The following PTPRM variants were observed in gnomAD, a reference collection of about 807,000 sequenced individuals.
PTPRM encodes the protein protein tyrosine phosphatase receptor type M.
Under a neutral mutation model 186.7 loss-of-function variants are expected in PTPRM, and 47 were observed. The ratio of observed to expected loss-of-function variants is 0.25; its 90% CI spans 0.20 to 0.32. The LOEUF is 0.32. Ranked by LOEUF, PTPRM falls within the 10% of genes least tolerant of loss-of-function variation. PTPRM has a pLI of 1.00. For missense variants in PTPRM, 1,494 were observed against 1,865.0 expected, an observed-to-expected ratio of 0.80 and a Z score of 3.66; for synonymous variants, 668 against 674.9, an observed-to-expected ratio of 0.99 and a Z score of 0.16.
At chr18:7,803,358 G>A (rs566940098) in intron 2 of PTPRM, among the ~76,000 whole-genome samples, 58 of 152,188 alleles carry the variant, frequency 3.8e-4, no homozygotes, top group African/African-American at 1.2e-3. Context: ...TATCTTCAAA[G>A]CCAGGAGCTG....
intron 7 of PTPRM, among the ~76,000 whole-genome samples, chr18:8,066,311 A>G (rs2089070558): frequency 6.6e-6 from 1 of 152,198 alleles, no homozygotes; most frequent in African/African-American, 2.4e-5. Context: ...ACATGGTAGC[A>G]CATGGCATTT....
At chr18:8,010,970 G>A (rs1209267569) in intron 7 of PTPRM, among the ~76,000 whole-genome samples, 4 of 152,160 alleles carry the variant, frequency 2.6e-5, no homozygotes, top group Non-Finnish European at 4.4e-5. Context: ...TGAATGTGGT[G>A]TAAAACAAAA....
At chr18:7,956,333 G>A (rs1312387071) in intron 7 of PTPRM, among the ~76,000 whole-genome samples, 3 of 152,160 alleles carry the variant, frequency 2.0e-5, no homozygotes, top group Admixed American at 2.0e-4. Context: ...TATCTGGTAG[G>A]AGTAAGAGAA....
At chr18:7,787,303 A>G (rs1198328729) in intron 2 of PTPRM, among the ~76,000 whole-genome samples, 1 of 152,208 alleles carries the variant, frequency 6.6e-6, no homozygotes, top group Non-Finnish European at 1.5e-5. Flanking sequence ...AGTTCTGGAA[A>G]AAATGCTGGG....
chr18:7,772,786 T>C (rs1303733378), intron 1 of PTPRM, among the ~76,000 whole-genome samples: 1 of 152,138 alleles, frequency 6.6e-6, no homozygotes, highest in Non-Finnish European at 1.5e-5. Flanking sequence ...AGGACACACA[T>C]TGTGGACATA....
At chr18:7,788,196 CT>C (rs1463317868) in intron 2 of PTPRM, among the ~76,000 whole-genome samples, 5 of 152,078 alleles carry the variant, frequency 3.3e-5, no homozygotes, top group Non-Finnish European at 1.5e-5. Context: ...TTAGGGTTTT[CT>C]TTTTCTTTTT....
intron 7 of PTPRM, among the ~76,000 whole-genome samples, chr18:8,047,961 G>C (rs1341618454): frequency 1.3e-5 from 2 of 152,190 alleles, no homozygotes; most frequent in African/African-American, 4.8e-5. Flanking sequence ...AGGCCTCCAA[G>C]AGTGTTAGAG....
intron 2 of PTPRM, among the ~76,000 whole-genome samples, chr18:7,879,241 C>T (rs188914737): frequency 2.8e-4 from 43 of 152,278 alleles, no homozygotes; most frequent in Admixed American, 2.4e-3. Flanking sequence ...TGCTTTGTCT[C>T]TTATGATAAC....
chr18:7,892,935 G>A (rs907859840), intron 3 of PTPRM, among the ~76,000 whole-genome samples: 2 of 152,090 alleles, frequency 1.3e-5, no homozygotes, highest in Admixed American at 6.6e-5. Context: ...CCTCCCCAAG[G>A]CCCACCTCCT....
chr18:8,405,275 C>T (rs1176731892), intron 32 of PTPRM: 3 of 152,190 alleles, frequency 2.0e-5, no homozygotes, highest in South Asian at 2.1e-4. Context: ...TACCTTTCCT[C>T]GTCCTGTTGC....
chr18:8,259,335 G>C (rs1451396804), intron 19 of PTPRM, among the ~76,000 whole-genome samples: 1 of 152,112 alleles, frequency 6.6e-6, no homozygotes, highest in African/African-American at 2.4e-5. Flanking sequence ...TTGTTTTTTA[G>C]CTCAGTTTAA....
intron 1 of PTPRM, among the ~76,000 whole-genome samples, chr18:7,607,841 C>A (rs1054856052): frequency 6.6e-6 from 1 of 152,244 alleles, no homozygotes; most frequent in African/African-American, 2.4e-5. Flanking sequence ...AGCCCCCACA[C>A]TGAACACGAT....
chr18:8,360,660 C>T (rs960265509), intron 23 of PTPRM, among the ~76,000 whole-genome samples: 1 of 152,138 alleles, frequency 6.6e-6, no homozygotes, highest in Non-Finnish European at 1.5e-5. Context: ...GAAACAGACG[C>T]ACTGCAGGAG....
chr18:8,036,335 A>G (rs777990946), intron 7 of PTPRM, among the ~76,000 whole-genome samples: 2 of 152,250 alleles, frequency 1.3e-5, no homozygotes, highest in Non-Finnish European at 2.9e-5. Flanking sequence ...AAGGCAAAGT[A>G]ACCTTTTAGA....
chr18:8,131,481 T>C lies in PTPRM; in HGVS notation c.2168-12166T>C, dbSNP rs115208561. On this transcript the variant is annotated intron_variant, in intron 13 of 32. Transcript: ENST00000580170. ...AGCAGTAATAGCCCAAAACAGAGCATAACCTATTTTATACTTCCCTGCCAC... is the reference window on the plus strand; with the variant it reads ...AGCAGTAATAGCCCAAAACAGAGCACAACCTATTTTATACTTCCCTGCCAC... 5.6e-3 allele frequency among the ~76,000 whole-genome samples: 852 copies of C among 152,316 alleles called. 8 individuals are homozygous for C. Among genetic ancestry groups the C allele is most frequent in the African/African-American group, 0.019 (798 of 41,574 alleles).
At chr18:7,698,803 T>C (rs888397071) in intron 1 of PTPRM, among the ~76,000 whole-genome samples, 4 of 152,232 alleles carry the variant, frequency 2.6e-5, no homozygotes, top group Admixed American at 1.3e-4. Context: ...TTATGTGGTA[T>C]TGTCACATTA....
intron 14 of PTPRM, among the ~76,000 whole-genome samples, chr18:8,144,673 G>T (rs2092839865): frequency 6.6e-6 from 1 of 152,118 alleles, no homozygotes; most frequent in Non-Finnish European, 1.5e-5. Context: ...AACAGATATG[G>T]CCATAATAAG....
chr18:7,879,470 C>G (rs2048394668), intron 2 of PTPRM, among the ~76,000 whole-genome samples: 1 of 152,060 alleles, frequency 6.6e-6, no homozygotes, highest in Admixed American at 6.6e-5. Context: ...CCAAGTTTGT[C>G]TCGTTTGTAG....
intron 19 of PTPRM, among the ~76,000 whole-genome samples, chr18:8,255,146 T>C (rs1480792374): frequency 6.6e-6 from 1 of 152,236 alleles, no homozygotes. Context: ...TCCAAAAGCT[T>C]AATATCGTAT....
Sources: allele counts gnomAD v4.1 joint callset (sites outside exome capture counted in the v4.1 genomes callset), GRCh38; gene constraint gnomAD v4.1.1; transcripts MANE v1.5; gene names NCBI Gene and HGNC (gene_info 2026-07-23, HGNC 2026-07-21).